TMEM181: variants seen among roughly 807,000 people sequenced by gnomAD.
TMEM181 encodes transmembrane protein 181.
Under a neutral mutation model 71.9 loss-of-function variants are expected in TMEM181, and 39 were observed. That is an observed-to-expected ratio of 0.54 (90% CI 0.42 to 0.71). The LOEUF (loss-of-function observed/expected upper bound fraction) is 0.71. Ranked by LOEUF, TMEM181 falls within the 30% of genes least tolerant of loss-of-function variation. The pLI is 0.00. For missense variants in TMEM181, 595 were observed against 583.0 expected (o/e 1.02, Z -0.21); for synonymous variants, 245 against 228.8 (o/e 1.07, Z -0.64).
At chr6:158,550,727 T>G (rs1284136468) in intron 1 of TMEM181, among the ~76,000 whole-genome samples, 1 of 151,948 alleles carries the variant, frequency 6.6e-6, no homozygotes, top group East Asian at 1.9e-4. Context: ...ATTTTAGTAA[T>G]TTCATGGAAC....
At chr6:158,604,685 A>G (rs1359778101) in intron 6 of TMEM181, among the ~76,000 whole-genome samples, 2 of 152,238 alleles carry the variant, frequency 1.3e-5, no homozygotes, top group Non-Finnish European at 2.9e-5. Context: ...AAACTTTGTA[A>G]CAACATTCTA....
At chr6:158,600,460 T>G (rs1784610518) in intron 6 of TMEM181, among the ~76,000 whole-genome samples, 1 of 6,264 alleles carries the variant, frequency 1.6e-4, no homozygotes, top group Non-Finnish European at 3.3e-4. Flanking sequence ...TAGGGTTAAT[T>G]TTTTTTTTTT....
chr6:158,616,009 A>G (rs1785592548), intron 10 of TMEM181, among the ~76,000 whole-genome samples: 2 of 152,168 alleles, frequency 1.3e-5, no homozygotes, highest in African/African-American at 4.8e-5. Flanking sequence ...AGTTTTTTCC[A>G]ATTCTGTGAA....
Position 158,608,770 on chromosome 6 carries a change from G to C in TMEM181, c.896+20G>C. 1 of 1,602,024 alleles carries C rather than the reference G, an allele frequency of 6.2e-7. No homozygotes were observed. ...GCAAACGTGAGTAATTCTATTATGT[G>C]TGAAACTTCAGTCATGAAAAGCATT... On this transcript the variant is annotated intron_variant, in intron 10 of 16. Coordinates refer to ENST00000684151, the MANE Select transcript of TMEM181 (RefSeq NM_001376852.1).
At chr6:158,549,926 G>A (rs1438727772) in intron 1 of TMEM181, among the ~76,000 whole-genome samples, 1 of 145,866 alleles carries the variant, frequency 6.9e-6, no homozygotes, top group African/African-American at 2.6e-5. Flanking sequence ...TCCTCTTCAT[G>A]GCCTTCCCCA....
chr6:158,628,473 C>G lies in TMEM181; in HGVS notation c.1175C>G (p.Ser392Ter). ...VLQDNFVAELSTHYQNSAEFL... is the reference protein window; with the variant it reads ...VLQDNFVAEL Reference sequence around the variant, plus strand: ...CAAGACAATTTTGTAGCAGAGCTGTCAACTCACTACCAGAATTATATCCTT... The same window carrying G: ...CAAGACAATTTTGTAGCAGAGCTGTGAACTCACTACCAGAATTATATCCTT... The change falls in exon 14 of 17, where the codon TCA (serine) becomes TGA (stop). Residue 392 changes from serine (S) to a stop codon, truncating the protein, a stop_gained. Coordinates refer to ENST00000684151, the MANE Select transcript of TMEM181 (RefSeq NM_001376852.1). LOFTEE classifies it high-confidence loss of function. 1 of 1,614,176 alleles carries G rather than the reference C, an allele frequency of 6.2e-7. No individual in the cohort carries two copies. The highest frequency in any genetic ancestry group is 8.5e-7 in the Non-Finnish European group (1 of 1,180,016).
Position 158,605,250 on chromosome 6 carries a change from T to C in TMEM181, c.493-17T>C. 3.1e-6 allele frequency: 5 copies of C among 1,609,574 alleles called. No individual in the cohort carries two copies. The South Asian group carries it at 4.4e-5, about 14-fold the overall frequency. ...TATATATTTTTTTCAAATTGTTTTC[T>C]CCACTTTCTATTTTAGTGGAAGACT... On this transcript the variant is annotated splice_polypyrimidine_tract_variant and intron_variant, in intron 6 of 16. Transcript: ENST00000684151.
intron 10 of TMEM181, chr6:158,611,620 T>G (rs559450304): frequency 5.8e-6 from 2 of 344,066 alleles, no homozygotes; most frequent in Non-Finnish European, 1.1e-5. Context: ...TGTGGAGGGG[T>G]TCCCCCTGAC....
chr6:158,545,222 G>A (rs1485538977), intron 1 of TMEM181, among the ~76,000 whole-genome samples: 2 of 152,244 alleles, frequency 1.3e-5, no homozygotes, highest in Non-Finnish European at 2.9e-5. Context: ...GGAGTTGTGA[G>A]GTTTAGGCCA....
At chr6:158,548,490 G>A (rs1406182104) in intron 1 of TMEM181, among the ~76,000 whole-genome samples, 1 of 152,204 alleles carries the variant, frequency 6.6e-6, no homozygotes, top group East Asian at 1.9e-4. Flanking sequence ...GACTTTCAGT[G>A]CTCATACTTG....
In TMEM181 at chr6:158,562,318, T is replaced by C. The variant is rs560932003; in HGVS notation, c.8+2086T>C. ...AGAGGTGCTAGGAGTCTGAGGACGG[T>C]GTGGGGCGTCTCATTTGCTAACCTG... On this transcript the variant is annotated intron_variant, in intron 1 of 16. Coordinates refer to ENST00000684151, the MANE Select transcript of TMEM181 (RefSeq NM_001376852.1). 9.3e-4 allele frequency among the ~76,000 whole-genome samples: 142 copies of C among 152,186 alleles called. 1 individual carries two copies. The highest frequency in any genetic ancestry group is 3.3e-3 in the African/African-American group (136 of 41,520).
intron 4 of TMEM181, among the ~76,000 whole-genome samples, chr6:158,584,412 C>T (rs1416141314): frequency 3.9e-5 from 6 of 152,164 alleles, no homozygotes; most frequent in Non-Finnish European, 7.3e-5. Context: ...TCGTCACACA[C>T]GGAGAGGAGG....
At chr6:158,562,690 TC>T (rs1562621475) in intron 1 of TMEM181, among the ~76,000 whole-genome samples, 1 of 152,060 alleles carries the variant, frequency 6.6e-6, no homozygotes, top group African/African-American at 2.4e-5. Context: ...CAGGCTTGGG[TC>T]AGTATCCTAT....
At chr6:158,539,533 G>A (rs758960793) in intron 1 of TMEM181, among the ~76,000 whole-genome samples, 4 of 152,182 alleles carry the variant, frequency 2.6e-5, no homozygotes, top group Non-Finnish European at 2.9e-5. Flanking sequence ...CTGGAGGACC[G>A]GGGACTCACC....
upstream of TMEM181, among the ~76,000 whole-genome samples, chr6:158,555,542 ACT>A (rs1202556684): frequency 2.0e-5 from 3 of 152,176 alleles, no homozygotes; most frequent in African/African-American, 7.2e-5. Flanking sequence ...AATTTAGAAG[ACT>A]CTACATGCTA....
rs989260412 is a variant in TMEM181, at chr6:158,632,633, G to C, written c.*745G>C. On this transcript the variant is annotated 3_prime_UTR_variant, in exon 17 of 17. Coordinates refer to ENST00000684151, the MANE Select transcript of TMEM181 (RefSeq NM_001376852.1). ...CTGCCATGGTGCTTTTCAGGGGCCTGTGTGTACACACATGATTAAATGGAT... is the reference window on the plus strand; with the variant it reads ...CTGCCATGGTGCTTTTCAGGGGCCTCTGTGTACACACATGATTAAATGGAT... 6.6e-6 allele frequency: 1 copy of C among 152,384 alleles called. No individual in the cohort carries two copies. The highest frequency in any genetic ancestry group is 6.5e-5 in the Admixed American group (1 of 15,288). 9.4% of individuals were successfully genotyped at this position (152,384 alleles called of 1,614,324 possible). A position where few individuals can be genotyped will look rare whatever the true frequency, so the allele number is the denominator to read the frequency against.
chr6:158,575,616 C>G (rs1411239698), intron 2 of TMEM181, among the ~76,000 whole-genome samples: 1 of 152,180 alleles, frequency 6.6e-6, no homozygotes, highest in African/African-American at 2.4e-5. Context: ...CCGCAGCCAG[C>G]CAAGTCTAGA....
At position 158,634,965 on chromosome 6, in the gene TMEM181, A is replaced by G. The variant is rs982107236; in HGVS notation, c.*3077A>G. 2.0e-5 allele frequency: 3 copies of G among 152,188 alleles called. No individual in the cohort carries two copies. Among genetic ancestry groups the G allele is most frequent in the Non-Finnish European group, 2.9e-5 (2 of 68,014 alleles). 9.4% of individuals were successfully genotyped at this position (152,188 alleles called of 1,614,324 possible). ...TAGTGAAGATGAGACTTAAAACATG[A>G]AAGTGTATTTGTGTATTTTGAGGGT... On this transcript the variant is annotated 3_prime_UTR_variant, in exon 17 of 17. Transcript: ENST00000684151.
At chr6:158,539,565 C>T (rs1372550304) in intron 1 of TMEM181, among the ~76,000 whole-genome samples, 1 of 152,210 alleles carries the variant, frequency 6.6e-6, no homozygotes, top group African/African-American at 2.4e-5. Flanking sequence ...GCAGTTTTCT[C>T]ATAACAGGGC....
Sources: gnomAD v4.1 joint callset for allele counts (sites outside exome capture counted in the v4.1 genomes callset) on GRCh38, gnomAD v4.1.1 for gene constraint, MANE v1.5 for transcripts, NCBI Gene and HGNC (gene_info 2026-07-23, HGNC 2026-07-21) for gene names.